The following ITPR1 variants were observed in gnomAD, a reference collection of about 807,000 sequenced individuals.
ITPR1 encodes inositol 1,4,5-trisphosphate receptor type 1.
Under a neutral mutation model 318.4 loss-of-function variants are expected in ITPR1, and 96 were observed. The observed-to-expected ratio is 0.30, with a 90% CI of 0.26 to 0.36. ITPR1 has a LOEUF of 0.36. ITPR1 is among the 10% of genes least tolerant of loss of function. The pLI, the probability that ITPR1 is intolerant of heterozygous loss-of-function variation, is 1.00. For synonymous variants in ITPR1, 1,312 were observed against 1,289.9 expected (o/e 1.02, Z -0.37); for missense variants, 2,440 against 3,460.2 (o/e 0.71, Z 7.40).
At chr3:4,678,796 G>A (rs1408418858) in intron 24 of ITPR1, among the ~76,000 whole-genome samples, 1 of 152,164 alleles carries the variant, frequency 6.6e-6, no homozygotes. Flanking sequence ...GCAGCCTGAA[G>A]CCGAGTACCA....
chr3:4,591,050 C>G (rs1488358376), intron 4 of ITPR1, among the ~76,000 whole-genome samples: 2 of 152,212 alleles, frequency 1.3e-5, no homozygotes, highest in Non-Finnish European at 2.9e-5. Context: ...CCGCAAAAGA[C>G]ATGATCTCAT....
chr3:4,809,807 G>A (rs898482107), intron 55 of ITPR1, among the ~76,000 whole-genome samples: 16 of 152,190 alleles, frequency 1.1e-4, no homozygotes, highest in African/African-American at 3.9e-4. Context: ...AGTGCCATTT[G>A]TTTGTTGTCT....
At chr3:4,711,505 ATC>A in intron 38 of ITPR1, 1 of 397,464 alleles carries the variant, frequency 2.5e-6, no homozygotes, top group Non-Finnish European at 4.6e-6. Flanking sequence ...TCTCCATATA[ATC>A]TCTCCATTGT....
rs780825875 is a variant in ITPR1 at position 4,702,810 on chromosome 3, C to T, written c.4537-20C>T. On this transcript the variant is annotated intron_variant, in intron 35 of 61. Transcript: ENST00000649015. ...AAATAAAAATCTGTTTTTCACGTTG[C>T]CTCTTTTGGCTTCTTGCAGACTCGC... is the stretch of plus-strand genomic sequence containing the variant. 11 of 1,611,916 alleles carry T rather than the reference C, an allele frequency of 6.8e-6. No homozygotes were observed. The highest frequency in any genetic ancestry group is 8.5e-6 in the Non-Finnish European group (10 of 1,178,822).
intron 32 of ITPR1, 22 bp from the exon 33 acceptor site, chr3:4,693,468 A>C: frequency 6.2e-7 from 1 of 1,607,582 alleles, no homozygotes; most frequent in Non-Finnish European, 8.5e-7. Context: ...TGTAATCTAA[A>C]CCCACCCTGT....
At chr3:4,562,347 A>G (rs1253659155) in intron 4 of ITPR1, among the ~76,000 whole-genome samples, 1 of 152,202 alleles carries the variant, frequency 6.6e-6, no homozygotes, top group African/African-American at 2.4e-5. Context: ...TTTGGATAGT[A>G]ATAGTCCCAA....
chr3:4,606,540 G>A (rs1337690291), intron 4 of ITPR1, among the ~76,000 whole-genome samples: 2 of 152,102 alleles, frequency 1.3e-5, no homozygotes, highest in Non-Finnish European at 2.9e-5. Context: ...TGATTTTGAG[G>A]ACTTTGGTAT....
At chr3:4,518,059 C>T (rs2082288317) in intron 3 of ITPR1, among the ~76,000 whole-genome samples, 1 of 152,166 alleles carries the variant, frequency 6.6e-6, no homozygotes, top group African/African-American at 2.4e-5. Context: ...CCCAAGATTT[C>T]ACAGCTCAGA....
At chr3:4,607,188 C>T (rs779103912) in intron 4 of ITPR1, among the ~76,000 whole-genome samples, 1 of 152,154 alleles carries the variant, frequency 6.6e-6, no homozygotes, top group Non-Finnish European at 1.5e-5. Flanking sequence ...TGGTCTCAGA[C>T]CAGCAGCTTG....
At chr3:4,552,464 T>C (rs566495381) in intron 4 of ITPR1, among the ~76,000 whole-genome samples, 1 of 152,254 alleles carries the variant, frequency 6.6e-6, no homozygotes, top group South Asian at 2.1e-4. Flanking sequence ...ATAAAGGATA[T>C]TACAAAGGAT....
rs182247499 is a variant in ITPR1 at position 4,570,959 on chromosome 3, T to G, written c.163+49865T>G. 2.8e-3 allele frequency among the ~76,000 whole-genome samples: 429 copies of G among 152,334 alleles called. 4 individuals are homozygous for G. Among genetic ancestry groups the G allele is most frequent in the African/African-American group, 9.5e-3 (394 of 41,584 alleles). On this transcript the variant is annotated intron_variant, in intron 4 of 61. Coordinates refer to ENST00000649015, the MANE Select transcript of ITPR1 (RefSeq NM_001378452.1). ...TCTTGGGTGAGCTTACCCATGTGCC[T>G]GAGGGTTGGCTTGCTGTTGGACAGA...
At chr3:4,571,185 A>C (rs1347634189) in intron 4 of ITPR1, among the ~76,000 whole-genome samples, 3 of 152,196 alleles carry the variant, frequency 2.0e-5, no homozygotes, top group Non-Finnish European at 1.5e-5. Context: ...CCTATGGTAA[A>C]TTGGCATTAC....
chr3:4,598,343 G>A (rs1017191794), intron 4 of ITPR1, among the ~76,000 whole-genome samples: 1 of 152,342 alleles, frequency 6.6e-6, no homozygotes. Flanking sequence ...AGGCAGGCTG[G>A]GTGCAGTGGC....
intron 61 of ITPR1, among the ~76,000 whole-genome samples, chr3:4,843,385 A>C (rs1252988558): frequency 6.6e-6 from 1 of 152,204 alleles, no homozygotes; most frequent in Non-Finnish European, 1.5e-5. Context: ...ACTCAAAATG[A>C]TCTTGTCCGA....
At chr3:4,768,462 G>C in intron 45 of ITPR1, 49 bp from the exon 46 acceptor site, 1 of 1,542,302 alleles carries the variant, frequency 6.5e-7, no homozygotes, top group South Asian at 1.3e-5. Context: ...GTGGTGAATA[G>C]GGCCCATGAG....
At chr3:4,809,941 A>G (rs940225307) in intron 55 of ITPR1, among the ~76,000 whole-genome samples, 2 of 152,274 alleles carry the variant, frequency 1.3e-5, no homozygotes, top group East Asian at 3.9e-4. Context: ...CTTCCCTTTA[A>G]GTATCCTACT....
chr3:4,579,461 A>C (rs1285490211), intron 4 of ITPR1, among the ~76,000 whole-genome samples: 1 of 152,232 alleles, frequency 6.6e-6, no homozygotes, highest in East Asian at 1.9e-4. Context: ...AGTATGATAT[A>C]GATTCTGTAA....
intron 4 of ITPR1, among the ~76,000 whole-genome samples, chr3:4,523,139 A>C (rs73005403): frequency 6.6e-6 from 1 of 152,122 alleles, no homozygotes; most frequent in Non-Finnish European, 1.5e-5. Context: ...AGCTGGGACC[A>C]AGGGGAGGGA....
At chr3:4,670,993 C>A in intron 20 of ITPR1, 67 bp downstream of exon 20, 1 of 1,186,704 alleles carries the variant, frequency 8.4e-7, no homozygotes, top group Non-Finnish European at 1.1e-6. Context: ...GAATTTGTTG[C>A]TCGTTTGTTG....
Sources: allele counts gnomAD v4.1 joint callset (sites outside exome capture counted in the v4.1 genomes callset), GRCh38; gene constraint gnomAD v4.1.1; transcripts MANE v1.5; gene names NCBI Gene and HGNC (gene_info 2026-07-23, HGNC 2026-07-21).